The following PIK3R4 variants were observed in gnomAD, a reference collection of about 807,000 sequenced individuals.
PIK3R4 encodes phosphoinositide 3-kinase regulatory subunit 4.
In PIK3R4, 46 loss-of-function variants were observed where a neutral mutation model predicts 136.5. The ratio of observed to expected loss-of-function variants is 0.34; its 90% CI spans 0.27 to 0.43. The LOEUF (loss-of-function observed/expected upper bound fraction) is 0.43, where lower values mean the gene tolerates loss of function less well. Ranked by LOEUF, PIK3R4 falls within the 20% of genes least tolerant of loss-of-function variation. The probability of loss-of-function intolerance (pLI) is 1.00; values close to 1 mark genes in which losing one functional copy is unlikely to be tolerated. For synonymous variants in PIK3R4, 557 were observed against 566.7 expected (o/e 0.98, Z 0.24); for missense variants, 1,331 against 1,649.5 (o/e 0.81, Z 3.35).
At chr3:130,727,785 A>C (rs2066741373) in intron 6 of PIK3R4, among the ~76,000 whole-genome samples, 1 of 152,186 alleles carries the variant, frequency 6.6e-6, no homozygotes, top group Non-Finnish European at 1.5e-5. Context: ...AAAATATTAA[A>C]TCCTGTATCA....
rs182580655 is a variant in PIK3R4 at position 130,699,033 on chromosome 3, C to A, written c.3098+4690G>T. On this transcript the variant is annotated intron_variant, in intron 13 of 19. Coordinates refer to ENST00000356763, the MANE Select transcript of PIK3R4 (RefSeq NM_014602.3). ...TTCAGTTCTTGCTTGCACAGAGTCT[C>A]AAAGCCAGCCAGACATGAGAATTTG... Among the ~76,000 whole-genome samples the A allele has an allele frequency of 8.5e-4, 130 of 152,312 alleles. 1 individual carries two copies. The East Asian group carries it at 0.017, about 20-fold the overall frequency.
intron 6 of PIK3R4, chr3:130,723,965 TAAA>T (rs965138501): frequency 1.2e-4 from 18 of 155,332 alleles, no homozygotes; most frequent in Non-Finnish European, 1.8e-4. Context: ...GTCAATTAAA[TAAA>T]AAAAAAGTCA....
At chr3:130,738,914 C>T (rs2066802364) in intron 2 of PIK3R4, among the ~76,000 whole-genome samples, 1 of 152,176 alleles carries the variant, frequency 6.6e-6, no homozygotes, top group Admixed American at 6.5e-5. Flanking sequence ...ATGCTGAGGT[C>T]CTACTGTTGA....
intron 2 of PIK3R4, among the ~76,000 whole-genome samples, chr3:130,742,970 C>T (rs537166606): frequency 6.6e-6 from 1 of 152,156 alleles, no homozygotes; most frequent in South Asian, 2.1e-4. Context: ...GGAAGGAGTC[C>T]ACTGATTTCA....
intron 2 of PIK3R4, among the ~76,000 whole-genome samples, chr3:130,736,633 A>G (rs2066787385): frequency 6.6e-6 from 1 of 152,186 alleles, no homozygotes; most frequent in Non-Finnish European, 1.5e-5. Context: ...TGTAATATAT[A>G]CAATTTACAT....
chr3:130,718,277 T>C (rs1406227537), intron 8 of PIK3R4, 112 bp downstream of exon 8: 5 of 877,444 alleles, frequency 5.7e-6, no homozygotes, highest in Non-Finnish European at 9.0e-6. Context: ...AAACATGCTA[T>C]AGCCCAATTT....
At chr3:130,741,245 C>T (rs1162207260) in intron 2 of PIK3R4, among the ~76,000 whole-genome samples, 2 of 152,086 alleles carry the variant, frequency 1.3e-5, no homozygotes, top group Non-Finnish European at 2.9e-5. Flanking sequence ...TAAGAAAGGA[C>T]ACCATGTATG....
In PIK3R4 at chr3:130,682,436, C is replaced by T. The variant is rs1008264631; in HGVS notation, c.3608-845G>A. 3.3e-5 allele frequency among the ~76,000 whole-genome samples: 5 copies of T among 152,072 alleles called. No individual in the cohort carries two copies. The South Asian group carries it at 8.3e-4, about 25-fold the overall frequency. On this transcript the variant is annotated intron_variant, in intron 16 of 19. Coordinates refer to ENST00000356763, the MANE Select transcript of PIK3R4 (RefSeq NM_014602.3). Reference sequence around the variant, plus strand: ...CTGCTGCTACCTTGATTTTGGTCCACAAAACCCATTTCAGACTTCTGGCCT... The same window carrying T: ...CTGCTGCTACCTTGATTTTGGTCCATAAAACCCATTTCAGACTTCTGGCCT...
rs1331466482 is a variant in PIK3R4 at position 130,704,893 on chromosome 3, T to C, written c.2932+668A>G. Reference sequence around the variant, plus strand: ...TCGCCCAGGCTGGAATGCAGTGATATAATCTCAGCTCACTGCAACCTCTAC... The same window carrying C: ...TCGCCCAGGCTGGAATGCAGTGATACAATCTCAGCTCACTGCAACCTCTAC... On this transcript the variant is annotated intron_variant, in intron 12 of 19. Transcript: ENST00000356763. Among the ~76,000 whole-genome samples, 4 of 152,090 alleles carry C rather than the reference T, an allele frequency of 2.6e-5. No individual in the cohort carries two copies. In the East Asian group the frequency reaches 7.7e-4, roughly 29 times the overall value.
chr3:130,706,828 TC>T (rs888439909), intron 11 of PIK3R4, 119 bp downstream of exon 11: 1 of 602,582 alleles, frequency 1.7e-6, no homozygotes, highest in African/African-American at 1.9e-5. Context: ...AAATATGACC[TC>T]CCTAAAAGAC....
chr3:130,683,841 A>G lies in PIK3R4; in HGVS notation c.3607+409T>C, dbSNP rs182205070. On this transcript the variant is annotated intron_variant, in intron 16 of 19. Coordinates refer to ENST00000356763, the MANE Select transcript of PIK3R4 (RefSeq NM_014602.3). ...CCCAAGTATCATGCCCAGGAGCCAT[A>G]AAAGAAAATTTGGGTGCCCAATGAA... Among the ~76,000 whole-genome samples, 113 of 152,236 alleles carry G rather than the reference A, an allele frequency of 7.4e-4. 1 individual carries two copies. The highest frequency in any genetic ancestry group is 7.4e-3 in the Admixed American group (113 of 15,276).
At chr3:130,693,103 C>T (rs891860352) in intron 13 of PIK3R4, among the ~76,000 whole-genome samples, 1 of 152,204 alleles carries the variant, frequency 6.6e-6, no homozygotes, top group Non-Finnish European at 1.5e-5. Flanking sequence ...GCCTTTGGAT[C>T]TGGCTACTTT....
chr3:130,712,236 T>A (rs2066636553), intron 9 of PIK3R4, among the ~76,000 whole-genome samples: 1 of 152,064 alleles, frequency 6.6e-6, no homozygotes, highest in South Asian at 2.1e-4. Context: ...ACTTTACCCA[T>A]GATGTGTCTC....
chr3:130,733,644 GA>G lies in PIK3R4; in HGVS notation c.1353del (p.Pro452LeufsTer16). On this transcript the variant is annotated frameshift_variant, in exon 4 of 20. Transcript: ENST00000356763. LOFTEE classifies it high-confidence loss of function. Reference sequence around the variant, plus strand: ...GGATAAATATTGATATCATTACGAGGAACCTCTTTGACGAGAGCAAGAACTT... The same window carrying G: ...GGATAAATATTGATATCATTACGAGGACCTCTTTGACGAGAGCAAGAACTT... ...LTKVLALVKE[V>X]PRNDINIYPE... The G allele has an allele frequency of 6.2e-7, 1 of 1,614,030 alleles. No homozygotes were observed. Among genetic ancestry groups the G allele is most frequent in the Non-Finnish European group, 8.5e-7 (1 of 1,179,896 alleles).
rs1212652897 is a variant in PIK3R4 at position 130,716,471 on chromosome 3, T to C, written c.2256A>G (p.Arg752=). The C allele has an allele frequency of 6.2e-7, 1 of 1,614,078 alleles. No homozygotes were observed. Among genetic ancestry groups the C allele is most frequent in the Admixed American group, 1.7e-5 (1 of 60,010 alleles). Residue 752 remains arginine, a synonymous_variant, in exon 9 of 20, where the codon CGA becomes CGG. Transcript: ENST00000356763. ...FRHLHMRQKK[R]NGSLPDCPPP... is the part of the protein sequence containing the mutation. ...GAGGGCAGTCGGGAAGAGAACCATT[T>C]CGTTTCTTCTGACGCATGTGAAGAT...
chr3:130,702,879 A>G (rs759897771), intron 13 of PIK3R4, among the ~76,000 whole-genome samples: 1 of 148,832 alleles, frequency 6.7e-6, no homozygotes, highest in Non-Finnish European at 1.5e-5. Context: ...TGTTTTCCTT[A>G]CACAGTTAGC....
chr3:130,741,419 A>G (rs1207187890), intron 2 of PIK3R4, among the ~76,000 whole-genome samples: 1 of 152,220 alleles, frequency 6.6e-6, no homozygotes, highest in Non-Finnish European at 1.5e-5. Flanking sequence ...TCTCTATGGT[A>G]TTTTGTTATG....
Position 130,690,489 on chromosome 3 carries a change from C to T in PIK3R4, c.3263+1G>A. 6.2e-7 allele frequency: 1 copy of T among 1,604,828 alleles called. No homozygotes were observed. Among genetic ancestry groups the T allele is most frequent in the Non-Finnish European group, 8.5e-7 (1 of 1,175,360 alleles). On this transcript the variant is annotated splice_donor_variant, in intron 14 of 19. Coordinates refer to ENST00000356763, the MANE Select transcript of PIK3R4 (RefSeq NM_014602.3). LOFTEE classifies it high-confidence loss of function. ...TTTAAGAAAGACAAAAGATAAGATA[C>T]CTGCTTTGTAGAGGATGGATTTTAG...
intron 9 of PIK3R4, among the ~76,000 whole-genome samples, chr3:130,714,064 T>G (rs1032453369): frequency 6.6e-6 from 1 of 152,210 alleles, no homozygotes. Flanking sequence ...TAGATTGAGA[T>G]GATTTTTACT....
Sources: gnomAD v4.1 joint callset for allele counts (sites outside exome capture counted in the v4.1 genomes callset) on GRCh38, gnomAD v4.1.1 for gene constraint, MANE v1.5 for transcripts, NCBI Gene and HGNC (gene_info 2026-07-23, HGNC 2026-07-21) for gene names.